Variants in TTC21B observed in about 807,000 individuals in gnomAD.
The protein encoded by TTC21B is tetratricopeptide repeat protein 21B.
In TTC21B, 127 loss-of-function variants were observed where a neutral mutation model predicts 175.1. That is an observed-to-expected ratio of 0.73 (90% CI 0.63 to 0.84). TTC21B has a LOEUF of 0.84. TTC21B is among the 40% of genes least tolerant of loss of function. The pLI, the probability that TTC21B is intolerant of heterozygous loss-of-function variation, is 0.00. For synonymous variants in TTC21B, 524 were observed against 524.5 expected (o/e 1.00, Z 0.01); for missense variants, 1,561 against 1,558.3 (o/e 1.00, Z -0.03).
chr2:165,928,241 T>C (rs979553542), intron 11 of TTC21B, among the ~76,000 whole-genome samples: 1 of 152,156 alleles, frequency 6.6e-6, no homozygotes, highest in Non-Finnish European at 1.5e-5. Context: ...CATGGAATTA[T>C]GAGATGAATC....
chr2:165,928,172 A>G (rs1021034806), intron 11 of TTC21B, among the ~76,000 whole-genome samples: 2 of 152,168 alleles, frequency 1.3e-5, no homozygotes, highest in Non-Finnish European at 2.9e-5. Context: ...CAGATGACAG[A>G]TGACAATAAA....
chr2:165,927,142 GTAGTTATATATATATATATATCCTAA>G (rs1203287192), intron 11 of TTC21B, among the ~76,000 whole-genome samples: 661 of 43,620 alleles, frequency 0.015, 189 homozygotes, highest in South Asian at 0.032. Flanking sequence ...ATATATCCTA[GTAGTTATATATATATATATATCCTAA>G]CAGTTATATA....
intron 6 of TTC21B, among the ~76,000 whole-genome samples, chr2:165,938,294 GGAGAA>G (rs890868180): frequency 3.3e-5 from 5 of 151,802 alleles, no homozygotes; most frequent in African/African-American, 1.2e-4. Flanking sequence ...TAACTAACCA[GGAGAA>G]GAGAAGTTTT....
At chr2:165,921,093 G>A (rs573127600) in intron 12 of TTC21B, among the ~76,000 whole-genome samples, 3 of 152,244 alleles carry the variant, frequency 2.0e-5, no homozygotes, top group African/African-American at 7.2e-5. Context: ...CTAATTAAGA[G>A]AATCATGGTG....
At chr2:165,945,464 A>G in intron 4 of TTC21B, 60 bp downstream of exon 4, 1 of 1,450,116 alleles carries the variant, frequency 6.9e-7, no homozygotes, top group Non-Finnish European at 9.5e-7. Flanking sequence ...ATACTACTGG[A>G]TATATCAATA....
At chr2:165,911,520 C>T (rs1367208760) in intron 17 of TTC21B, 55 bp from the exon 18 acceptor site, 5 of 1,602,566 alleles carry the variant, frequency 3.1e-6, no homozygotes, top group Non-Finnish European at 4.3e-6. Context: ...GGCATTCAAG[C>T]AGAGCTATTT....
chr2:165,924,190 T>C (rs1283431093), intron 12 of TTC21B, among the ~76,000 whole-genome samples: 1 of 152,210 alleles, frequency 6.6e-6, no homozygotes, highest in African/African-American at 2.4e-5. Flanking sequence ...GTACTTTTCA[T>C]TAGGGCCTGA....
chr2:165,891,325 T>C (rs1010299155), intron 22 of TTC21B, among the ~76,000 whole-genome samples: 2 of 152,134 alleles, frequency 1.3e-5, no homozygotes, highest in African/African-American at 4.8e-5. Flanking sequence ...AGTTCAGGAA[T>C]ACCGATTTAA....
intron 19 of TTC21B, among the ~76,000 whole-genome samples, chr2:165,905,513 A>G (rs563514376): frequency 3.3e-5 from 5 of 152,258 alleles, no homozygotes; most frequent in African/African-American, 1.2e-4. Context: ...AACACAAGAC[A>G]AAGGAGATTT....
intron 22 of TTC21B, among the ~76,000 whole-genome samples, chr2:165,896,941 C>T (rs922070554): frequency 2.6e-5 from 4 of 152,090 alleles, no homozygotes; most frequent in Non-Finnish European, 4.4e-5. Flanking sequence ...TTGGGAAGCC[C>T]TTTTGCCCAG....
At chr2:165,928,964 C>G in intron 11 of TTC21B, 171 bp downstream of exon 11, 2 of 636,816 alleles carry the variant, frequency 3.1e-6, no homozygotes, top group South Asian at 3.7e-5. Flanking sequence ...CAGTAGTTGA[C>G]AGCAGTCATT....
chr2:165,910,778 T>C (rs1042785353), intron 18 of TTC21B, among the ~76,000 whole-genome samples: 3 of 151,136 alleles, frequency 2.0e-5, no homozygotes, highest in African/African-American at 7.3e-5. Context: ...CATGATGTAC[T>C]GACATCAAAC....
At chr2:165,912,702 T>C in intron 16 of TTC21B, 78 bp from the exon 17 acceptor site, 1 of 1,008,426 alleles carries the variant, frequency 9.9e-7, no homozygotes, top group South Asian at 1.3e-5. Flanking sequence ...AGTTCTATAA[T>C]TAATCTCTAC....
intron 3 of TTC21B, chr2:165,949,117 T>G (rs955528367): frequency 2.5e-6 from 1 of 401,472 alleles, no homozygotes. Flanking sequence ...TTTTTTTGTG[T>G]AACAATTACT....
rs754773733 is a variant in TTC21B at position 165,929,164 on chromosome 2, T to A, written c.1357A>T (p.Met453Leu). Residue 453 changes from methionine to leucine, a missense_variant, in exon 11 of 29, where the codon ATG becomes TTG. Transcript: ENST00000243344. ...LNPDFLLEIV[M>L]EYLSFCPMQP... The stretch of plus-strand genomic sequence containing the variant: ...ATTGGACAGAAGCTCAGATACTCCA[T>A]AACAATTTCTAACAAGAAATCAGGA... 6.2e-7 allele frequency: 1 copy of A among 1,612,878 alleles called. No individual in the cohort carries two copies. Among genetic ancestry groups the A allele is most frequent in the South Asian group, 1.1e-5 (1 of 91,036 alleles).
intron 18 of TTC21B, among the ~76,000 whole-genome samples, chr2:165,908,283 G>A (rs1460880472): frequency 6.6e-6 from 1 of 152,052 alleles, no homozygotes. Flanking sequence ...TTTGAGCAAG[G>A]TACTTAACCA....
rs1252763752 is a variant in TTC21B at position 165,919,173 on chromosome 2, G to T, written c.1674+103C>A. 15 of 1,358,832 alleles carry T rather than the reference G, an allele frequency of 1.1e-5. No individual in the cohort carries two copies. The East Asian group carries it at 3.5e-4, about 32-fold the overall frequency. 84.2% of individuals were successfully genotyped at this position (1,358,832 alleles called of 1,614,324 possible). A position where few individuals can be genotyped will look rare whatever the true frequency, so the allele number is the denominator to read the frequency against. On this transcript the variant is annotated intron_variant, in intron 13 of 28. Coordinates refer to ENST00000243344, the MANE Select transcript of TTC21B (RefSeq NM_024753.5). ...TTCCATTTTTTTTTCCATTAAAAAT[G>T]CAACTGTTAGCAAAATACTACAGGC...
At chr2:165,920,326 T>C (rs1686340073) in intron 12 of TTC21B, among the ~76,000 whole-genome samples, 1 of 152,182 alleles carries the variant, frequency 6.6e-6, no homozygotes, top group South Asian at 2.1e-4. Context: ...CTTAACTTAC[T>C]GGTAACAGAC....
At position 165,901,929 on chromosome 2, in the gene TTC21B, A is replaced by G; in HGVS notation, c.2569-19T>C. On this transcript the variant is annotated intron_variant, in intron 19 of 28. Coordinates refer to ENST00000243344, the MANE Select transcript of TTC21B (RefSeq NM_024753.5). ...CTCGAGCCTAGAAAAAATCAGTATA[A>G]AAGGGAATAAAAAAAAAAAAGGAAA... 6.2e-7 allele frequency: 1 copy of G among 1,601,712 alleles called. No individual in the cohort carries two copies. Among genetic ancestry groups the G allele is most frequent in the Non-Finnish European group, 8.5e-7 (1 of 1,171,026 alleles).
Sources: gnomAD v4.1 joint callset for allele counts (sites outside exome capture counted in the v4.1 genomes callset) on GRCh38, gnomAD v4.1.1 for gene constraint, MANE v1.5 for transcripts, NCBI Gene and HGNC (gene_info 2026-07-23, HGNC 2026-07-21) for gene names.